KCNMA1: variants seen among roughly 807,000 people sequenced by gnomAD.
KCNMA1 encodes potassium calcium-activated channel subfamily M alpha 1.
In KCNMA1, 29 loss-of-function variants were observed where a neutral mutation model predicts 140.0. That is an observed-to-expected ratio of 0.21 (90% CI 0.15 to 0.28). The LOEUF is 0.28. Ranked by LOEUF, KCNMA1 falls within the 10% of genes least tolerant of loss-of-function variation. The pLI, the probability that KCNMA1 is intolerant of heterozygous loss-of-function variation, is 1.00. For missense variants in KCNMA1, 880 were observed against 1,602.2 expected (o/e 0.55, Z 7.70); for synonymous variants, 612 against 611.9 (o/e 1.00, Z 0.00).
chr10:77,254,988 T>C (rs1267527544), intron 2 of KCNMA1, among the ~76,000 whole-genome samples: 1 of 152,212 alleles, frequency 6.6e-6, no homozygotes, highest in Non-Finnish European at 1.5e-5. Context: ...ACAGATAATT[T>C]GAGCATTGCC....
intron 22 of KCNMA1, among the ~76,000 whole-genome samples, chr10:76,946,131 T>C (rs1464752695): frequency 1.3e-5 from 2 of 152,140 alleles, no homozygotes; most frequent in Non-Finnish European, 2.9e-5. Context: ...AGTCCGGGAA[T>C]GCAAGCATAG....
intron 1 of KCNMA1, among the ~76,000 whole-genome samples, chr10:77,484,522 G>A (rs1430490978): frequency 6.6e-6 from 1 of 152,236 alleles, no homozygotes; most frequent in Non-Finnish European, 1.5e-5. Flanking sequence ...TGCCAGGAGA[G>A]AGGTGTTATC....
At chr10:77,216,877 G>T (rs1420599437) in intron 3 of KCNMA1, among the ~76,000 whole-genome samples, 3 of 152,122 alleles carry the variant, frequency 2.0e-5, no homozygotes, top group East Asian at 1.9e-4. Flanking sequence ...ATAGATAAGG[G>T]TGTGGGCTAC....
chr10:77,106,062 A>G (rs1159127244), intron 9 of KCNMA1, among the ~76,000 whole-genome samples: 1 of 152,120 alleles, frequency 6.6e-6, no homozygotes, highest in East Asian at 1.9e-4. Flanking sequence ...CCAAGCTTAT[A>G]TTTTCTGATG....
chr10:76,995,690 G>T (rs547637823), intron 19 of KCNMA1: 7 of 470,686 alleles, frequency 1.5e-5, no homozygotes, highest in South Asian at 1.1e-4. Context: ...GTCAGGATGA[G>T]TATCCTGAGA....
intron 3 of KCNMA1, among the ~76,000 whole-genome samples, chr10:77,226,335 G>A (rs1199495961): frequency 6.6e-6 from 1 of 151,862 alleles, no homozygotes; most frequent in Non-Finnish European, 1.5e-5. Context: ...ATTTTTCTTG[G>A]ATCTGGAATA....
rs116771579 is a variant in KCNMA1, at chr10:77,592,600, C to A, written c.378+44665G>T. ...ATAAGAGGTGAGGTGCAGTTGGCAT[C>A]CTTAAATAGAGAAGTGACATGTGGG... is the stretch of plus-strand genomic sequence containing the variant. On this transcript the variant is annotated intron_variant, in intron 1 of 27. Coordinates refer to ENST00000286628, the MANE Select transcript of KCNMA1 (RefSeq NM_001161352.2). Among the ~76,000 whole-genome samples the A allele has an allele frequency of 3.1e-3, 468 of 152,294 alleles. 2 individuals carry two copies. The highest frequency in any genetic ancestry group is 0.01 in the African/African-American group (430 of 41,548).
intron 5 of KCNMA1, among the ~76,000 whole-genome samples, chr10:77,141,856 A>G (rs1597012381): frequency 6.6e-6 from 1 of 152,212 alleles, no homozygotes; most frequent in Non-Finnish European, 1.5e-5. Context: ...TAGAATTTTC[A>G]AAGCATAACA....
At chr10:77,512,838 G>T (rs936876596) in intron 1 of KCNMA1, among the ~76,000 whole-genome samples, 2 of 152,188 alleles carry the variant, frequency 1.3e-5, no homozygotes, top group Non-Finnish European at 2.9e-5. Context: ...AGTAAGGACT[G>T]AGACGGTATA....
At chr10:77,064,767 C>T (rs971855192) in intron 14 of KCNMA1, among the ~76,000 whole-genome samples, 7 of 152,234 alleles carry the variant, frequency 4.6e-5, no homozygotes, top group Admixed American at 4.6e-4. Flanking sequence ...GACGTTGACC[C>T]AAATAGGATA....
At chr10:76,988,901 TG>T (rs1325704229) in intron 19 of KCNMA1, among the ~76,000 whole-genome samples, 1 of 152,196 alleles carries the variant, frequency 6.6e-6, no homozygotes, top group African/African-American at 2.4e-5. Flanking sequence ...TGCCTGGAGA[TG>T]GTGTCCCCGT....
intron 2 of KCNMA1, among the ~76,000 whole-genome samples, chr10:77,396,514 C>G (rs1423253520): frequency 6.6e-6 from 1 of 152,182 alleles, no homozygotes; most frequent in Non-Finnish European, 1.5e-5. Flanking sequence ...TTCAACCAGT[C>G]TAATTTCATG....
At chr10:77,030,588 C>CT (rs1398575039) in intron 15 of KCNMA1, among the ~76,000 whole-genome samples, 1 of 152,260 alleles carries the variant, frequency 6.6e-6, no homozygotes, top group Non-Finnish European at 1.5e-5. Context: ...ATCTTCATTG[C>CT]TTTTATAAAC....
At chr10:77,619,333 TCTCTCTCTC>T (rs879507319) in intron 1 of KCNMA1, among the ~76,000 whole-genome samples, 1,668 of 151,896 alleles carry the variant, frequency 0.011, 13 homozygotes, top group Middle Eastern at 0.041. Flanking sequence ...TCTCTCTCTC[TCTCTCTCTC>T]TCTCGTATGC....
chr10:77,304,927 G>A (rs1453463655), intron 2 of KCNMA1, among the ~76,000 whole-genome samples: 23 of 152,232 alleles, frequency 1.5e-4, no homozygotes, highest in Admixed American at 1.2e-3. Flanking sequence ...AGTCAATATC[G>A]GACATGAGTG....
intron 17 of KCNMA1, among the ~76,000 whole-genome samples, chr10:77,015,517 C>T (rs144504683): frequency 6.6e-6 from 1 of 152,208 alleles, no homozygotes; most frequent in Non-Finnish European, 1.5e-5. Flanking sequence ...CTTGCCAGGA[C>T]AAGAAACAGC....
Position 77,393,661 on chromosome 10 carries a change from T to A in KCNMA1, c.540+10201A>T, listed in dbSNP as rs530961238. ...CAGCAGCTCCTTCCCAAGATGGGTG[T>A]CCCAGGGAGAGAGGCAATGCAAGAG... On this transcript the variant is annotated intron_variant, in intron 2 of 27. Coordinates refer to ENST00000286628, the MANE Select transcript of KCNMA1 (RefSeq NM_001161352.2). Among the ~76,000 whole-genome samples the A allele has an allele frequency of 3.3e-5, 5 of 152,250 alleles. No individual in the cohort carries two copies. In the South Asian group the frequency reaches 1.0e-3, roughly 32 times the overall value.
chr10:77,575,206 G>T (rs1014653792), intron 1 of KCNMA1, among the ~76,000 whole-genome samples: 1 of 152,130 alleles, frequency 6.6e-6, no homozygotes, highest in African/African-American at 2.4e-5. Flanking sequence ...TCCAATGCTA[G>T]GACAGTGCTG....
At chr10:77,217,512 G>A (rs1443222937) in intron 3 of KCNMA1, 1 of 456,554 alleles carries the variant, frequency 2.2e-6, no homozygotes, top group Non-Finnish European at 4.4e-6. Flanking sequence ...GGCCACCCTG[G>A]AATTTCCTGC....
Sources: gnomAD v4.1 joint callset for allele counts (sites outside exome capture counted in the v4.1 genomes callset) on GRCh38, gnomAD v4.1.1 for gene constraint, MANE v1.5 for transcripts, NCBI Gene and HGNC (gene_info 2026-07-23, HGNC 2026-07-21) for gene names.